USH2A: variants seen among roughly 807,000 people sequenced by gnomAD.
USH2A encodes the protein usherin, also known as Usher syndrome 2A (autosomal recessive, mild).
USH2A carries 443 observed loss-of-function variants against 538.9 expected under a neutral mutation model. The ratio of observed to expected loss-of-function variants is 0.82; its 90% CI spans 0.76 to 0.89. The LOEUF (loss-of-function observed/expected upper bound fraction) is 0.89, where lower values mean the gene tolerates loss of function less well. Among genes scored for constraint, USH2A ranks in the 40% least tolerant of loss-of-function variants. The pLI, the probability that USH2A is intolerant of heterozygous loss-of-function variation, is 0.00. For missense variants in USH2A, 6,633 were observed against 6,324.8 expected, an observed-to-expected ratio of 1.05 and a Z score of -1.65; for synonymous variants, 2,413 against 2,273.5, an observed-to-expected ratio of 1.06 and a Z score of -1.75.
Position 215,813,807 on chromosome 1 carries a change from C to T in USH2A, c.9668G>A (p.Cys3223Tyr). ...TTGTGCCTCCTGTATTCGGCCACCACAACAAACTCCAGTAGAATTCAGAAC... is the reference window on the plus strand; with the variant it reads ...TTGTGCCTCCTGTATTCGGCCACCATAACAAACTCCAGTAGAATTCAGAAC... Reference protein sequence around the residue: ...PFVLNSTGVCCGGRIQEAQPN... With the variant: ...PFVLNSTGVCYGGRIQEAQPN... Residue 3223 changes from cysteine (C) to tyrosine (Y), a missense_variant, in exon 49 of 72, where the codon TGT becomes TAT. Physicochemically the swap from Cys to Tyr is radical, Grantham distance 194. Coordinates refer to ENST00000307340, the MANE Select transcript of USH2A (RefSeq NM_206933.4). 1 of 1,613,926 alleles carries T rather than the reference C, an allele frequency of 6.2e-7. No individual in the cohort carries two copies. Among genetic ancestry groups the T allele is most frequent in the Non-Finnish European group, 8.5e-7 (1 of 1,179,874 alleles).
At chr1:216,120,330 ATT>A (rs764331918) in intron 21 of USH2A, among the ~76,000 whole-genome samples, 33 of 150,104 alleles carry the variant, frequency 2.2e-4, no homozygotes, top group East Asian at 1.2e-3. Flanking sequence ...AGGTCAGGAG[ATT>A]GAGGCCAGCC....
intron 21 of USH2A, among the ~76,000 whole-genome samples, chr1:216,103,764 A>G (rs2102579021): frequency 6.6e-6 from 1 of 152,350 alleles, no homozygotes; most frequent in African/African-American, 2.4e-5. Flanking sequence ...TCACTTGACT[A>G]AAAATTCTGA....
At chr1:216,305,268 T>C (rs1459182803) in intron 9 of USH2A, among the ~76,000 whole-genome samples, 1 of 152,188 alleles carries the variant, frequency 6.6e-6, no homozygotes, top group Non-Finnish European at 1.5e-5. Context: ...CATTATATAA[T>C]GTCCCTCTTT....
At chr1:216,341,315 A>G (rs2038072956) in intron 4 of USH2A, among the ~76,000 whole-genome samples, 1 of 152,114 alleles carries the variant, frequency 6.6e-6, no homozygotes, top group African/African-American at 2.4e-5. Context: ...CTCAAGGAGA[A>G]CTACAAACCA....
In USH2A at chr1:215,674,681, G is replaced by C; in HGVS notation, c.13230C>G (p.His4410Gln). 5 of 1,614,026 alleles carry C rather than the reference G, an allele frequency of 3.1e-6. No individual in the cohort carries two copies. The highest frequency in any genetic ancestry group is 4.2e-6 in the Non-Finnish European group (5 of 1,180,004). ...AGTTATACTGAGAGTAAGGCTGCAGGTGGGAAACCAGCAGGCACAGGCCCT... is the reference window on the plus strand; with the variant it reads ...AGTTATACTGAGAGTAAGGCTGCAGCTGGGAAACCAGCAGGCACAGGCCCT... ...AGQGLCLLVS[H>Q]LQPYSQYNFS... The change falls in exon 63 of 72, where the codon CAC becomes CAG. Residue 4410 changes from histidine (H) to glutamine (Q), a missense_variant. His to Gln is a conservative substitution (Grantham distance 24). Coordinates refer to ENST00000307340, the MANE Select transcript of USH2A (RefSeq NM_206933.4).
At chr1:215,860,222 C>G (rs558297070) in intron 44 of USH2A, among the ~76,000 whole-genome samples, 15 of 152,144 alleles carry the variant, frequency 9.9e-5, no homozygotes, top group African/African-American at 1.4e-4. Flanking sequence ...TATTGACTTC[C>G]CAGCCTCAGG....
Position 215,680,703 on chromosome 1 carries a change from C to G in USH2A, c.12067-327G>C, listed in dbSNP as rs541410897. On this transcript the variant is annotated intron_variant, in intron 61 of 71. Transcript: ENST00000307340. ...CAAAACATGATGCTTCAGATCAGTG[C>G]TGCATCCAGCTCAAAATGGAAATCA... Among the ~76,000 whole-genome samples the G allele has an allele frequency of 2.0e-3, 297 of 151,840 alleles. 1 individual carries two copies. The highest frequency in any genetic ancestry group is 6.7e-3 in the African/African-American group (278 of 41,422).
chr1:215,769,164 A>AT (rs1220383993), intron 55 of USH2A, among the ~76,000 whole-genome samples: 1 of 152,180 alleles, frequency 6.6e-6, no homozygotes, highest in Non-Finnish European at 1.5e-5. Context: ...CATATTCTAG[A>AT]TTTTTTCCTG....
chr1:215,901,107 CA>C, intron 38 of USH2A: 2 of 671,414 alleles, frequency 3.0e-6, no homozygotes, highest in Non-Finnish European at 5.0e-6. Flanking sequence ...ATTAGTATTT[CA>C]GTCTTAAAAG....
At chr1:216,073,376 C>A (rs1336271214) in intron 27 of USH2A, 76 bp from the exon 28 acceptor site, 1 of 1,500,462 alleles carries the variant, frequency 6.7e-7, no homozygotes, top group Non-Finnish European at 9.1e-7. Context: ...TCCTCTGCAG[C>A]ACTACATTTT....
At chr1:215,921,639 T>C (rs1666101569) in intron 38 of USH2A, among the ~76,000 whole-genome samples, 1 of 152,108 alleles carries the variant, frequency 6.6e-6, no homozygotes, top group Admixed American at 6.6e-5. Flanking sequence ...AAATAGAGTA[T>C]AGTTCTACAG....
At chr1:216,196,215 G>A (rs1443925799) in intron 19 of USH2A, among the ~76,000 whole-genome samples, 4 of 151,940 alleles carry the variant, frequency 2.6e-5, no homozygotes, top group Non-Finnish European at 5.9e-5. Flanking sequence ...ACTGAGTGTG[G>A]ACTGGTTAAA....
intron 27 of USH2A, 97 bp from the exon 28 acceptor site, chr1:216,073,397 G>C: frequency 7.6e-7 from 1 of 1,322,714 alleles, no homozygotes; most frequent in Middle Eastern, 2.0e-4. Flanking sequence ...GAGGAAGGGG[G>C]GTGGTTAGAT....
At chr1:215,823,863 C>G (rs146381414) in intron 47 of USH2A, among the ~76,000 whole-genome samples, 160 of 152,020 alleles carry the variant, frequency 1.1e-3, no homozygotes, top group African/African-American at 3.6e-3. Flanking sequence ...TTCTCAGATC[C>G]AAGATTTCTT....
Position 216,167,061 on chromosome 1 carries a change from C to T in USH2A, c.4627+8191G>A, listed in dbSNP as rs181421130. ...GCTCATCAGTCAAGGAACTGAGCCT[C>T]CCTTTTCAAAGCTCCAAACAAACGG... On this transcript the variant is annotated intron_variant, in intron 21 of 71. Transcript: ENST00000307340. Among the ~76,000 whole-genome samples the T allele has an allele frequency of 5.3e-5, 8 of 152,178 alleles. 1 individual carries two copies. The East Asian group carries it at 1.5e-3, about 29-fold the overall frequency.
intron 11 of USH2A, among the ~76,000 whole-genome samples, chr1:216,283,338 C>T (rs1398110270): frequency 2.0e-5 from 3 of 152,204 alleles, no homozygotes; most frequent in Non-Finnish European, 4.4e-5. Flanking sequence ...GATCCACCCG[C>T]CTCGGCTTCC....
At chr1:216,266,496 C>T (rs1272863453) in intron 11 of USH2A, among the ~76,000 whole-genome samples, 1 of 152,074 alleles carries the variant, frequency 6.6e-6, no homozygotes, top group African/African-American at 2.4e-5. Context: ...AGAATACAAA[C>T]ATTTTCTGGA....
rs145099178 is a variant in USH2A, at chr1:215,675,271, T to C, written c.12640A>G (p.Thr4214Ala). The C allele has an allele frequency of 2.1e-5, 34 of 1,614,048 alleles. No homozygotes were observed. Among genetic ancestry groups the C allele is most frequent in the Non-Finnish European group, 2.9e-5 (34 of 1,180,044 alleles). ...GTATTCCTTTCAGTGTTATATTCTG[T>C]GAAAACAATTTTCTCGTCGGCCTGG... ...TIQADEKIVF[T>A]EYNTERNTFM... is the part of the protein sequence containing the mutation. The change falls in exon 63 of 72, where the codon ACA (threonine) becomes GCA (alanine). Residue 4214 changes from threonine (T) to alanine (A), a missense_variant. Transcript: ENST00000307340.
intron 32 of USH2A, among the ~76,000 whole-genome samples, chr1:216,016,926 ATGATGCTTCTTCATTTCC>A (rs1668725602): frequency 6.6e-6 from 1 of 151,884 alleles, no homozygotes; most frequent in Non-Finnish European, 1.5e-5. Flanking sequence ...ATAGTGAAGG[ATGATGCTTCTTCATTTCC>A]CTCTTTTCTT....
Sources: allele counts gnomAD v4.1 joint callset (sites outside exome capture counted in the v4.1 genomes callset), GRCh38; gene constraint gnomAD v4.1.1; transcripts MANE v1.5; gene names NCBI Gene and HGNC (gene_info 2026-07-23, HGNC 2026-07-21).